CRACR2A: variants seen among roughly 807,000 people sequenced by gnomAD.
The protein encoded by CRACR2A is calcium release activated channel regulator 2A, also known as EF-hand calcium-binding domain-containing protein 4B.
Under a neutral mutation model 90.5 loss-of-function variants are expected in CRACR2A, and 79 were observed. The observed-to-expected ratio is 0.87, with a 90% confidence interval of 0.73 to 1.05. The LOEUF (loss-of-function observed/expected upper bound fraction) is 1.05. Ranked by LOEUF, CRACR2A falls within the 50% of genes least tolerant of loss-of-function variation. The pLI is 0.00. For synonymous variants in CRACR2A, 338 were observed against 356.7 expected (o/e 0.95, Z 0.59); for missense variants, 823 against 897.2 (o/e 0.92, Z 1.06).
intron 19 of CRACR2A, 95 bp from the exon 20 acceptor site, chr12:3,615,534 T>C (rs2137256873): frequency 1.9e-6 from 2 of 1,040,106 alleles, no homozygotes; most frequent in Non-Finnish European, 2.8e-6. Context: ...ACAGGTCATC[T>C]GGGCCATATG....
intron 1 of CRACR2A, among the ~76,000 whole-genome samples, chr12:3,740,145 GAGATCA>G (rs1213212307): frequency 6.6e-6 from 1 of 151,978 alleles, no homozygotes; most frequent in East Asian, 1.9e-4. Context: ...GAGATCCCTG[GAGATCA>G]AAAATGATCC....
chr12:3,706,972 G>A (rs978977111), intron 3 of CRACR2A, among the ~76,000 whole-genome samples: 2 of 152,034 alleles, frequency 1.3e-5, no homozygotes, highest in African/African-American at 4.8e-5. Context: ...ATAATAAAAT[G>A]AACTAATAAA....
chr12:3,629,782 G>C (rs1416974408), intron 15 of CRACR2A, among the ~76,000 whole-genome samples: 2 of 147,910 alleles, frequency 1.4e-5, no homozygotes, highest in African/African-American at 4.9e-5. Flanking sequence ...GCCTCAGACA[G>C]GCAGGCCGAG....
At chr12:3,648,649 AG>A (rs1944737892) in intron 10 of CRACR2A, 36 bp from the exon 11 acceptor site, 2 of 1,595,840 alleles carry the variant, frequency 1.3e-6, no homozygotes, top group East Asian at 4.5e-5. Flanking sequence ...GTGAGCTCCC[AG>A]GTGGAAGCCG....
rs536644087 is a variant in CRACR2A at position 3,708,586 on chromosome 12, G to A, written c.-37+4651C>T. 7.2e-5 allele frequency among the ~76,000 whole-genome samples: 11 copies of A among 152,172 alleles called. No individual in the cohort carries two copies. In the South Asian group the frequency reaches 1.2e-3, roughly 17 times the overall value. ...ACTACAGGTGCCCGCCACCACGCCC[G>A]GCTAATTTTTTGTATTTTTTAGTAG... On this transcript the variant is annotated intron_variant, in intron 3 of 19. Coordinates refer to ENST00000440314, the MANE Select transcript of CRACR2A (RefSeq NM_001144958.2).
At chr12:3,652,951 T>C (rs1188535908) in intron 10 of CRACR2A, among the ~76,000 whole-genome samples, 3 of 152,206 alleles carry the variant, frequency 2.0e-5, no homozygotes, top group African/African-American at 4.8e-5. Context: ...CTCAGTTTCC[T>C]CCTCGATAAT....
At position 3,666,330 on chromosome 12, in the gene CRACR2A, C is replaced by CGTGTGTGTGTGTGTGTGTGTGT. The variant is rs750488682; in HGVS notation, c.672-6698_672-6677dup. 6.0e-4 allele frequency among the ~76,000 whole-genome samples: 84 copies of CGTGTGTGTGTGTGTGTGTGTGT among 139,658 alleles called. 2 individuals are homozygous for CGTGTGTGTGTGTGTGTGTGTGT. The highest frequency in any genetic ancestry group is 1.8e-3 in the Admixed American group (25 of 14,028). 91.6% of individuals were successfully genotyped at this position (139,658 alleles called of 152,430 possible). On this transcript the variant is annotated intron_variant, in intron 7 of 19. Coordinates refer to ENST00000440314, the MANE Select transcript of CRACR2A (RefSeq NM_001144958.2). ...AATGTCCCTCCCTAAAGGACGGCTG[C>CGTGTGTGTGTGTGTGTGTGTGT]GTGTGTGTGTGTGTGTGTGTGTGTG...
Position 3,633,504 on chromosome 12 carries a change from C to G in CRACR2A, c.1735+100G>C. ...ATCCCTACTGGCCAATCCCCATGGC[C>G]CTTCCCATGGGCTTCTAACGCTCCC... On this transcript the variant is annotated intron_variant, in intron 15 of 19. Coordinates refer to ENST00000440314, the MANE Select transcript of CRACR2A (RefSeq NM_001144958.2). The surrounding 1 kb of genome is among the most constrained non-coding windows in gnomAD (Gnocchi z 4.5). The G allele has an allele frequency of 1.4e-6, 2 of 1,471,358 alleles. No individual in the cohort carries two copies. Among genetic ancestry groups the G allele is most frequent in the Admixed American group, 2.0e-5 (1 of 48,832 alleles). 91.1% of individuals were successfully genotyped at this position (1,471,358 alleles called of 1,614,324 possible).
At chr12:3,747,555 T>C (rs1054622422) in intron 1 of CRACR2A, among the ~76,000 whole-genome samples, 7 of 152,160 alleles carry the variant, frequency 4.6e-5, no homozygotes, top group Non-Finnish European at 5.9e-5. Flanking sequence ...GGACTACAAA[T>C]CCTGGACCTC....
At chr12:3,677,638 C>T (rs1399395033) in intron 6 of CRACR2A, among the ~76,000 whole-genome samples, 1 of 152,244 alleles carries the variant, frequency 6.6e-6, no homozygotes, top group Non-Finnish European at 1.5e-5. Context: ...GGTCTCTGTG[C>T]TCTGGCCTGT....
intron 2 of CRACR2A, among the ~76,000 whole-genome samples, chr12:3,720,701 G>T (rs1946157274): frequency 6.6e-6 from 1 of 152,192 alleles, no homozygotes; most frequent in South Asian, 2.1e-4. Flanking sequence ...AAGAGAGCCT[G>T]TGTTATTCCC....
chr12:3,741,169 A>G (rs748858561), intron 1 of CRACR2A, among the ~76,000 whole-genome samples: 4 of 152,094 alleles, frequency 2.6e-5, no homozygotes, highest in East Asian at 1.9e-4. Flanking sequence ...TTCCCACTCT[A>G]TTTCAGGGGG....
chr12:3,622,834 G>A (rs1484090286), intron 17 of CRACR2A, among the ~76,000 whole-genome samples: 2 of 152,120 alleles, frequency 1.3e-5, no homozygotes, highest in African/African-American at 2.4e-5. Context: ...CCTGGACTAT[G>A]AGTCAAAACA....
At chr12:3,615,937 A>G (rs1439856200) in intron 19 of CRACR2A, among the ~76,000 whole-genome samples, 1 of 152,296 alleles carries the variant, frequency 6.6e-6, no homozygotes, top group Non-Finnish European at 1.5e-5. Flanking sequence ...ATGTGGCCAC[A>G]GCTCCAGATT....
intron 4 of CRACR2A, among the ~76,000 whole-genome samples, chr12:3,683,070 GCCA>G (rs1213823146): frequency 6.6e-6 from 1 of 152,198 alleles, no homozygotes; most frequent in Non-Finnish European, 1.5e-5. Context: ...ACAGGCTTGA[GCCA>G]CTGGACCTGG....
chr12:3,699,444 T>A, intron 3 of CRACR2A, among the ~76,000 whole-genome samples: 1 of 152,158 alleles, frequency 6.6e-6, no homozygotes, highest in East Asian at 1.9e-4. Context: ...AATGGTGGGA[T>A]TTCAATAATG....
At chr12:3,752,555 G>A (rs12314438) in intron 1 of CRACR2A, 17,786 of 152,494 alleles carry the variant, frequency 0.12, 1,037 homozygotes, top group South Asian at 0.17. Context: ...TGTCTGTCTC[G>A]GTTCTTTGTT....
At chr12:3,658,554 G>T (rs11614311) in intron 8 of CRACR2A, among the ~76,000 whole-genome samples, 13,242 of 152,198 alleles carry the variant, frequency 0.087, 794 homozygotes, top group Non-Finnish European at 0.13. Context: ...CCTCCAGAGG[G>T]CGCTAATTGG....
At chr12:3,637,828 G>A (rs112252709) in intron 14 of CRACR2A, among the ~76,000 whole-genome samples, 3,586 of 152,260 alleles carry the variant, frequency 0.024, 130 homozygotes, top group African/African-American at 0.081. Flanking sequence ...ACCCCTCTGC[G>A]AAGAAGTAGA....
Sources: allele counts gnomAD v4.1 joint callset (sites outside exome capture counted in the v4.1 genomes callset), GRCh38; gene constraint gnomAD v4.1.1; non-coding constraint Gnocchi (gnomAD v3.1); transcripts MANE v1.5; gene names NCBI Gene and HGNC (gene_info 2026-07-23, HGNC 2026-07-21).